Variants in RAPGEF1 observed in about 807,000 individuals in gnomAD.
RAPGEF1 encodes CRK SH3-binding GNRP.
A neutral mutation model predicts 143.3 loss-of-function variants in RAPGEF1; 33 were observed. That is an observed-to-expected ratio of 0.23 (90% CI 0.17 to 0.31). The LOEUF is 0.31. Ranked by LOEUF, RAPGEF1 falls within the 10% of genes least tolerant of loss-of-function variation. RAPGEF1 has a pLI of 1.00. For synonymous variants in RAPGEF1, 629 were observed against 676.5 expected (o/e 0.93, Z 1.09); for missense variants, 1,199 against 1,645.4 (o/e 0.73, Z 4.69).
chr9:131,711,361 CTTTTT>C (rs71374121), intron 1 of RAPGEF1, among the ~76,000 whole-genome samples: 1 of 130,316 alleles, frequency 7.7e-6, no homozygotes, highest in African/African-American at 2.9e-5. Context: ...CTATTATCAC[CTTTTT>C]TTTTTTTTTG....
At chr9:131,698,789 G>A (rs924845223) in intron 1 of RAPGEF1, among the ~76,000 whole-genome samples, 1 of 152,232 alleles carries the variant, frequency 6.6e-6, no homozygotes, top group Non-Finnish European at 1.5e-5. Flanking sequence ...GAGGCCCAGG[G>A]ATAAGCCCTC....
chr9:131,662,353 G>A (rs61631532), intron 1 of RAPGEF1, among the ~76,000 whole-genome samples: 52,408 of 151,946 alleles, frequency 0.34, 9,509 homozygotes, highest in Middle Eastern at 0.44. Flanking sequence ...GTTGTCTACA[G>A]TTCCTTTCCT....
chr9:131,579,434 T>A lies in RAPGEF1; in HGVS notation c.*63A>T. On this transcript the variant is annotated 3_prime_UTR_variant, in exon 27 of 27. Transcript: ENST00000683357. The stretch of plus-strand genomic sequence containing the variant: ...CATGCGCCTAACAGGTCCAAGGTCC[T>A]CTCCGGTCTGGGAGCTGCCCTCTGC... 1 of 1,581,134 alleles carries A rather than the reference T, an allele frequency of 6.3e-7. No homozygotes were observed. The highest frequency in any genetic ancestry group is 8.6e-7 in the Non-Finnish European group (1 of 1,161,682).
chr9:131,663,046 C>T (rs1829830331), intron 1 of RAPGEF1, among the ~76,000 whole-genome samples: 1 of 152,146 alleles, frequency 6.6e-6, no homozygotes. Flanking sequence ...CGTCCACATA[C>T]CCGTCACCTA....
At chr9:131,699,259 T>C (rs11243475) in intron 1 of RAPGEF1, among the ~76,000 whole-genome samples, 18,749 of 139,626 alleles carry the variant, frequency 0.13, 1,869 homozygotes, top group African/African-American at 0.27. Context: ...TTTTTTTTTT[T>C]CTGAGGTGCA....
intron 12 of RAPGEF1, among the ~76,000 whole-genome samples, chr9:131,613,433 C>T (rs1447109214): frequency 6.6e-6 from 1 of 152,088 alleles, no homozygotes. Flanking sequence ...ACACTATAGT[C>T]TAGCTGCAGG....
At chr9:131,739,737 G>C in intron 1 of RAPGEF1, 33 bp downstream of exon 1, 1 of 1,110,688 alleles carries the variant, frequency 9.0e-7, no homozygotes, top group Non-Finnish European at 1.1e-6. Flanking sequence ...GCCGGGCCCG[G>C]CCGGAGGGAG....
chr9:131,684,460 C>T (rs866977900), intron 1 of RAPGEF1, among the ~76,000 whole-genome samples: 2 of 152,214 alleles, frequency 1.3e-5, no homozygotes, highest in African/African-American at 4.8e-5. Flanking sequence ...GTATCCCATA[C>T]AATTCTCAAG....
At chr9:131,610,930 T>C (rs1957942248) in intron 12 of RAPGEF1, among the ~76,000 whole-genome samples, 1 of 152,224 alleles carries the variant, frequency 6.6e-6, no homozygotes, top group South Asian at 2.1e-4. Context: ...ACACTCCTTG[T>C]TACTCCATTT....
intron 17 of RAPGEF1, 116 bp downstream of exon 17, chr9:131,596,182 G>A: frequency 1.1e-6 from 1 of 924,224 alleles, no homozygotes; most frequent in Non-Finnish European, 1.7e-6. Flanking sequence ...CACCAGGACT[G>A]CTGATCAGAC....
chr9:131,737,621 T>C (rs1837503328), intron 1 of RAPGEF1: 4 of 1,443,496 alleles, frequency 2.8e-6, no homozygotes, highest in Non-Finnish European at 3.7e-6. Context: ...AGTCATTTCA[T>C]TCCCAGCGGT....
intron 16 of RAPGEF1, among the ~76,000 whole-genome samples, chr9:131,597,716 A>ATTTTC (rs1189049022): frequency 9.2e-5 from 14 of 151,740 alleles, no homozygotes; most frequent in African/African-American, 3.4e-4. Context: ...CCAGGCCTGA[A>ATTTTC]TTTTCTTTTC....
chr9:131,718,062 A>G (rs1835983870), intron 1 of RAPGEF1, among the ~76,000 whole-genome samples: 1 of 152,158 alleles, frequency 6.6e-6, no homozygotes, highest in Non-Finnish European at 1.5e-5. Flanking sequence ...TGGGTGAGCA[A>G]CTTTTCCCAA....
At chr9:131,685,426 C>A (rs184536065) in intron 1 of RAPGEF1, among the ~76,000 whole-genome samples, 1 of 152,146 alleles carries the variant, frequency 6.6e-6, no homozygotes, top group Non-Finnish European at 1.5e-5. Context: ...TGTGGGTTCA[C>A]GGGAATGAGG....
intron 1 of RAPGEF1, among the ~76,000 whole-genome samples, chr9:131,719,994 T>A (rs1836153225): frequency 6.6e-6 from 1 of 151,802 alleles, no homozygotes; most frequent in Non-Finnish European, 1.5e-5. Context: ...CAAGCGATTC[T>A]CCTGCCTGAG....
intron 1 of RAPGEF1, chr9:131,737,500 A>G: frequency 6.2e-7 from 1 of 1,613,382 alleles, no homozygotes; most frequent in East Asian, 2.2e-5. Flanking sequence ...AGGCACTTTC[A>G]TCTACAACCC....
rs1227360974 is a variant in RAPGEF1, at chr9:131,650,348, C to T, written c.202-106G>A. ...AGCTGTTTCAACATATCTGGCTTGA[C>T]TGGCCCTGCTGAGGCCACTAACTCT... On this transcript the variant is annotated intron_variant, in intron 2 of 26. Transcript: ENST00000683357. This position sits in a 1 kb window ranked among gnomAD's most constrained non-coding sequence, Gnocchi z 4.7. The T allele has an allele frequency of 6.2e-6, 5 of 808,874 alleles. No homozygotes were observed. The highest frequency in any genetic ancestry group is 9.8e-6 in the Non-Finnish European group (5 of 511,450). 50.1% of individuals were successfully genotyped at this position (808,874 alleles called of 1,614,324 possible).
chr9:131,709,984 A>G (rs1337066413), intron 1 of RAPGEF1: 10 of 974,776 alleles, frequency 1.0e-5, no homozygotes, highest in Admixed American at 6.2e-5. Context: ...TCCTTTTGAC[A>G]CTTTATTACT....
rs901789782 is a variant in RAPGEF1 at position 131,580,129 on chromosome 9, C to T, written c.3641+134G>A. 1.1e-4 allele frequency: 141 copies of T among 1,226,470 alleles called. 1 individual carries two copies. The South Asian group carries it at 1.8e-3, about 16-fold the overall frequency. 76.0% of individuals were successfully genotyped at this position (1,226,470 alleles called of 1,614,324 possible). On this transcript the variant is annotated intron_variant, in intron 26 of 26. Coordinates refer to ENST00000683357, the MANE Select transcript of RAPGEF1 (RefSeq NM_001377935.1). ...TCATCCTGGCAGAAACTGAAGGGCC[C>T]GGACTATATCTCAGCAGTGGCAGGT...
Sources: gnomAD v4.1 joint callset for allele counts (sites outside exome capture counted in the v4.1 genomes callset) on GRCh38, gnomAD v4.1.1 for gene constraint, Gnocchi (gnomAD v3.1) non-coding constraint, MANE v1.5 for transcripts, NCBI Gene and HGNC (gene_info 2026-07-23, HGNC 2026-07-21) for gene names.